BMERB1: variants seen among roughly 807,000 people sequenced by gnomAD.
BMERB1 encodes the protein bMERB domain containing 1.
Under a neutral mutation model 23.6 loss-of-function variants are expected in BMERB1, and 12 were observed. That is an observed-to-expected ratio of 0.51 (90% CI 0.33 to 0.82). The LOEUF (loss-of-function observed/expected upper bound fraction) is 0.82, where lower values mean the gene tolerates loss of function less well. Ranked by LOEUF, BMERB1 falls within the 40% of genes least tolerant of loss-of-function variation. The pLI is 0.03. For synonymous variants in BMERB1, 122 were observed against 96.6 expected (o/e 1.26, Z -1.54); for missense variants, 247 against 255.4 (o/e 0.97, Z 0.22).
At chr16:15,549,098 G>A (rs1240674758) in intron 2 of BMERB1, among the ~76,000 whole-genome samples, 1 of 152,130 alleles carries the variant, frequency 6.6e-6, no homozygotes, top group African/African-American at 2.4e-5. Context: ...CAGCACTTAG[G>A]GAGGCCGAGG....
chr16:15,492,571 G>A lies in BMERB1; in HGVS notation c.107-22734G>A, dbSNP rs534943837. 6.7e-4 allele frequency among the ~76,000 whole-genome samples: 102 copies of A among 152,266 alleles called. 1 individual carries two copies. Among genetic ancestry groups the A allele is most frequent in the Admixed American group, 9.2e-4 (14 of 15,294 alleles). The stretch of plus-strand genomic sequence containing the variant: ...ACACTCCCTCAGCCAGGGGCTCAAG[G>A]TCAGCATCAACAGTGCCAACTCATC... On this transcript the variant is annotated intron_variant, in intron 1 of 5. Coordinates refer to ENST00000300006, the MANE Select transcript of BMERB1 (RefSeq NM_033201.3).
At chr16:15,560,305 G>A (rs555264295) in intron 2 of BMERB1, among the ~76,000 whole-genome samples, 6 of 152,318 alleles carry the variant, frequency 3.9e-5, no homozygotes, top group African/African-American at 1.2e-4. Context: ...GGGCATGCCC[G>A]CCACCCTTAG....
intron 1 of BMERB1, among the ~76,000 whole-genome samples, chr16:15,448,755 G>T (rs1387233305): frequency 6.6e-6 from 1 of 152,180 alleles, no homozygotes; most frequent in East Asian, 1.9e-4. Flanking sequence ...TCGCACTACT[G>T]CATTCAAGCC....
intron 1 of BMERB1, among the ~76,000 whole-genome samples, chr16:15,493,861 T>C (rs1228938207): frequency 2.0e-5 from 3 of 152,222 alleles, no homozygotes; most frequent in African/African-American, 7.2e-5. Context: ...AAGCAGTTTT[T>C]AAAAACTGAA....
chr16:15,478,277 A>C (rs2051289850), intron 1 of BMERB1, among the ~76,000 whole-genome samples: 1 of 152,084 alleles, frequency 6.6e-6, no homozygotes, highest in Non-Finnish European at 1.5e-5. Flanking sequence ...CTCCTGCCTC[A>C]GCCTCCCAAG....
At chr16:15,543,708 C>T (rs1415851653) in intron 2 of BMERB1, among the ~76,000 whole-genome samples, 1 of 134,018 alleles carries the variant, frequency 7.5e-6, no homozygotes, top group Non-Finnish European at 1.5e-5. Context: ...ATAATCCCAG[C>T]TACTCAGGAG....
At chr16:15,560,576 G>A (rs866094877) in intron 2 of BMERB1, among the ~76,000 whole-genome samples, 9 of 152,102 alleles carry the variant, frequency 5.9e-5, no homozygotes, top group African/African-American at 2.2e-4. Flanking sequence ...TGGATTGCTT[G>A]AGTCCAGGAG....
chr16:15,490,009 G>C (rs1199674657), intron 1 of BMERB1, among the ~76,000 whole-genome samples: 1 of 152,046 alleles, frequency 6.6e-6, no homozygotes, highest in Non-Finnish European at 1.5e-5. Context: ...TGGGACTACA[G>C]GCGCCCGCCC....
At chr16:15,489,335 A>G (rs1316745536) in intron 1 of BMERB1, among the ~76,000 whole-genome samples, 2 of 152,084 alleles carry the variant, frequency 1.3e-5, no homozygotes, top group Non-Finnish European at 2.9e-5. Context: ...TTAGAATCTA[A>G]ATGCTCTGAA....
intron 1 of BMERB1, among the ~76,000 whole-genome samples, chr16:15,444,530 C>T (rs542078768): frequency 3.3e-5 from 5 of 152,144 alleles, no homozygotes; most frequent in South Asian, 4.2e-4. Context: ...GAGAAATAAA[C>T]AGAATAATGC....
At chr16:15,456,150 C>A (rs2051085823) in intron 1 of BMERB1, among the ~76,000 whole-genome samples, 2 of 152,094 alleles carry the variant, frequency 1.3e-5, no homozygotes, top group Non-Finnish European at 2.9e-5. Context: ...AAGAAAATTT[C>A]CCACCCTCAA....
chr16:15,529,302 A>T (rs112559305), intron 2 of BMERB1, among the ~76,000 whole-genome samples: 7,100 of 152,202 alleles, frequency 0.047, 529 homozygotes, highest in African/African-American at 0.15. Flanking sequence ...CTGGGATTAC[A>T]GGCGTGAGCC....
At chr16:15,440,345 A>G (rs1373092493) in intron 1 of BMERB1, among the ~76,000 whole-genome samples, 2 of 151,966 alleles carry the variant, frequency 1.3e-5, no homozygotes, top group Non-Finnish European at 1.5e-5. Context: ...CTCAAACTGC[A>G]ATCTTTCCAT....
At chr16:15,460,592 G>A (rs1179156541) in intron 1 of BMERB1, among the ~76,000 whole-genome samples, 1 of 152,126 alleles carries the variant, frequency 6.6e-6, no homozygotes, top group Non-Finnish European at 1.5e-5. Context: ...AGACCAGCCT[G>A]AAGGTGGCCA....
At chr16:15,549,315 A>G (rs1220338227) in intron 2 of BMERB1, among the ~76,000 whole-genome samples, 1 of 147,712 alleles carries the variant, frequency 6.8e-6, no homozygotes. Flanking sequence ...ACTGCATTCC[A>G]GCCTGGGCAA....
intron 1 of BMERB1, among the ~76,000 whole-genome samples, chr16:15,465,515 G>A (rs550563329): frequency 1.3e-5 from 2 of 151,942 alleles, no homozygotes; most frequent in African/African-American, 2.4e-5. Flanking sequence ...ACCATTCCAG[G>A]CCAATTTTTG....
intron 1 of BMERB1, among the ~76,000 whole-genome samples, chr16:15,504,436 T>C (rs1264613909): frequency 1.3e-5 from 2 of 151,814 alleles, no homozygotes; most frequent in Admixed American, 6.6e-5. Context: ...TCTTTGCAAC[T>C]CTTCTTAAAT....
intron 1 of BMERB1, among the ~76,000 whole-genome samples, chr16:15,474,411 G>T (rs754326967): frequency 3.3e-5 from 5 of 151,558 alleles, no homozygotes; most frequent in African/African-American, 4.9e-5. Context: ...GTTGCCCAGG[G>T]TGGAGCGCAG....
At chr16:15,535,735 C>T (rs1192317120) in intron 2 of BMERB1, among the ~76,000 whole-genome samples, 1 of 150,984 alleles carries the variant, frequency 6.6e-6, no homozygotes, top group African/African-American at 2.4e-5. Flanking sequence ...TGTATTAGTC[C>T]ATTTTCACAC....
Sources: allele counts gnomAD v4.1 joint callset (sites outside exome capture counted in the v4.1 genomes callset), GRCh38; gene constraint gnomAD v4.1.1; transcripts MANE v1.5; gene names NCBI Gene and HGNC (gene_info 2026-07-23, HGNC 2026-07-21).